The following ITPR2 variants were observed in gnomAD, a reference collection of about 807,000 sequenced individuals.
The protein encoded by ITPR2 is inositol 1,4,5-trisphosphate receptor type 2.
In ITPR2, 207 loss-of-function variants were observed where a neutral mutation model predicts 317.1. The observed-to-expected ratio is 0.65, with a 90% confidence interval of 0.58 to 0.73. ITPR2 has a LOEUF of 0.73. Ranked by LOEUF, ITPR2 falls within the 30% of genes least tolerant of loss-of-function variation. The pLI is 0.00. For missense variants in ITPR2, 2,613 were observed against 3,284.0 expected (o/e 0.80, Z 4.99); for synonymous variants, 1,156 against 1,149.1 (o/e 1.01, Z -0.12).
intron 1 of ITPR2, among the ~76,000 whole-genome samples, chr12:26,810,969 TCTGTTTTTTTAAACAAA>T (rs1950728484): frequency 6.6e-6 from 1 of 151,536 alleles, no homozygotes; most frequent in Admixed American, 6.6e-5. Flanking sequence ...CCTGGTCTGT[TCTGTTTTTTTAAACAAA>T]CAATGAAGTT....
At chr12:26,378,043 C>T (rs925295246) in intron 55 of ITPR2, among the ~76,000 whole-genome samples, 7 of 151,800 alleles carry the variant, frequency 4.6e-5, no homozygotes, top group Admixed American at 1.3e-4. Context: ...TTTTGTTCAA[C>T]GAATTTATGC....
At chr12:26,540,856 T>A (rs1944239488) in intron 37 of ITPR2, among the ~76,000 whole-genome samples, 1 of 152,156 alleles carries the variant, frequency 6.6e-6, no homozygotes, top group African/African-American at 2.4e-5. Flanking sequence ...ATACCCACTT[T>A]AATGGTTGAA....
At chr12:26,530,471 AT>A (rs1160590262) in intron 37 of ITPR2, among the ~76,000 whole-genome samples, 1 of 152,154 alleles carries the variant, frequency 6.6e-6, no homozygotes, top group Admixed American at 6.5e-5. Context: ...AATCCTGGAG[AT>A]TTTTACTTTC....
At chr12:26,675,585 T>C (rs113702923) in intron 13 of ITPR2, among the ~76,000 whole-genome samples, 22 of 152,080 alleles carry the variant, frequency 1.4e-4, no homozygotes, top group African/African-American at 4.8e-4. Context: ...TTGGGAGATA[T>C]ACCTAATGCT....
chr12:26,654,017 A>T lies in ITPR2; in HGVS notation c.2699T>A (p.Met900Lys), dbSNP rs1016165148. Reference protein sequence around the residue: ...LAILDIVQAPMSSYFERLSKF... With the variant: ...LAILDIVQAPKSSYFERLSKF... ...GCTTAATCTTTCAAAGTATGATGAC[A>T]TGGGGGCCTGTACAATGTCTAAAAT... The change falls in exon 21 of 57, where the codon ATG becomes AAG. Residue 900 changes from methionine to lysine, a missense_variant. Met to Lys is a moderately conservative substitution (Grantham distance 95). Around this residue, in one of 9 missense-constraint regions of ITPR2, gnomAD observed 817 missense variants for 897.6 expected, o/e 0.91. Coordinates refer to ENST00000381340, the MANE Select transcript of ITPR2 (RefSeq NM_002223.4). 13 of 1,609,590 alleles carry T rather than the reference A, an allele frequency of 8.1e-6. No individual in the cohort carries two copies. The highest frequency in any genetic ancestry group is 1.0e-5 in the Non-Finnish European group (12 of 1,177,252).
Position 26,387,442 on chromosome 12 carries a change from T to C in ITPR2, c.7849A>G (p.Met2617Val). ...ACCTTCTGGTCACTCACCACAATCA[T>C]TTGAGCCACATAACTTTCAGGTCCA... ...YTGPESYVAQ[M>V]IVEKNLDWFP... Residue 2617 changes from methionine to valine, a missense_variant, in exon 55 of 57, where the codon ATG (methionine) becomes GTG (valine). Physicochemically the swap from Met to Val is conservative, Grantham distance 21. Around this residue, in one of 9 missense-constraint regions of ITPR2, gnomAD observed 119 missense variants for 144.3 expected, o/e 0.82. Transcript: ENST00000381340. 1 of 1,613,596 alleles carries C rather than the reference T, an allele frequency of 6.2e-7. No homozygotes were observed. The highest frequency in any genetic ancestry group is 1.1e-5 in the South Asian group (1 of 91,036).
At chr12:26,542,659 T>C (rs1484140110) in intron 37 of ITPR2, among the ~76,000 whole-genome samples, 3 of 152,236 alleles carry the variant, frequency 2.0e-5, no homozygotes, top group Non-Finnish European at 4.4e-5. Flanking sequence ...GTACCATAGC[T>C]ATTGCAGAGG....
At position 26,561,900 on chromosome 12, in the gene ITPR2, A is replaced by G. The variant is rs769754791; in HGVS notation, c.4683T>C (p.Thr1561=). Reference sequence around the variant, plus strand: ...TATTTGAATGGCTCTTCATGAAAAGAGTATTAACTTGGCTGTCCAAATCCA... The same window carrying G: ...TATTTGAATGGCTCTTCATGAAAAGGGTATTAACTTGGCTGTCCAAATCCA... ...IPVDLDSQVN[T]LFMKSHSNMV... is the part of the protein sequence containing the mutation. The change falls in exon 35 of 57, where the codon ACT becomes ACC. Residue 1561 remains threonine (T), a synonymous_variant. Transcript: ENST00000381340. 1 of 1,573,296 alleles carries G rather than the reference A, an allele frequency of 6.4e-7. No homozygotes were observed. The highest frequency in any genetic ancestry group is 8.6e-7 in the Non-Finnish European group (1 of 1,168,190).
intron 32 of ITPR2, among the ~76,000 whole-genome samples, chr12:26,581,205 C>T (rs1275368424): frequency 5.3e-5 from 8 of 151,844 alleles, no homozygotes; most frequent in African/African-American, 1.7e-4. Context: ...AAAGCTTTCA[C>T]ACAAATTCAT....
At chr12:26,643,871 G>A (rs1005868167) in intron 21 of ITPR2, among the ~76,000 whole-genome samples, 5 of 152,128 alleles carry the variant, frequency 3.3e-5, no homozygotes, top group South Asian at 2.1e-4. Context: ...AAAAGGAAAC[G>A]GAACTTGAAT....
intron 22 of ITPR2, among the ~76,000 whole-genome samples, chr12:26,629,227 C>T (rs932604554): frequency 1.3e-5 from 2 of 152,182 alleles, no homozygotes; most frequent in Non-Finnish European, 1.5e-5. Context: ...CTCTTGCCTC[C>T]GCACAGGTGC....
intron 1 of ITPR2, among the ~76,000 whole-genome samples, chr12:26,830,597 G>C (rs1951085159): frequency 6.6e-6 from 1 of 152,104 alleles, no homozygotes. Context: ...GATCAGGGTC[G>C]ACTCCACAAC....
At chr12:26,743,816 G>A (rs779207306) in intron 2 of ITPR2, among the ~76,000 whole-genome samples, 1 of 152,168 alleles carries the variant, frequency 6.6e-6, no homozygotes, top group Admixed American at 6.5e-5. Context: ...ACTTGAACCC[G>A]GGAGGCGGAG....
At chr12:26,584,984 T>C (rs1022912951) in intron 32 of ITPR2, among the ~76,000 whole-genome samples, 7 of 152,250 alleles carry the variant, frequency 4.6e-5, no homozygotes, top group African/African-American at 9.6e-5. Flanking sequence ...ATCTCCTTTT[T>C]ATGTGAATCA....
intron 5 of ITPR2, among the ~76,000 whole-genome samples, chr12:26,717,491 T>C (rs1396767141): frequency 6.6e-6 from 1 of 152,214 alleles, no homozygotes; most frequent in Non-Finnish European, 1.5e-5. Context: ...TCCTGCTGTT[T>C]ACAGGACTGG....
chr12:26,437,763 C>T (rs548621521), intron 47 of ITPR2, among the ~76,000 whole-genome samples: 1 of 152,100 alleles, frequency 6.6e-6, no homozygotes, highest in East Asian at 1.9e-4. Flanking sequence ...AATTTATTGT[C>T]AAGGAGAAAA....
Position 26,491,761 on chromosome 12 carries a change from T to C in ITPR2, c.5370+2392A>G, listed in dbSNP as rs533732450. On this transcript the variant is annotated intron_variant, in intron 39 of 56. Coordinates refer to ENST00000381340, the MANE Select transcript of ITPR2 (RefSeq NM_002223.4). ...AGGGTGGACAAGTTAAGGTCAAGGA[T>C]GACTATCATTTTCTGGTCAGACAAC... 4.7e-4 allele frequency among the ~76,000 whole-genome samples: 72 copies of C among 152,278 alleles called. 1 individual carries two copies. The highest frequency in any genetic ancestry group is 1.3e-3 in the African/African-American group (56 of 41,550).
At chr12:26,502,006 T>C (rs1943082758) in intron 37 of ITPR2, among the ~76,000 whole-genome samples, 2 of 152,224 alleles carry the variant, frequency 1.3e-5, no homozygotes, top group Non-Finnish European at 2.9e-5. Context: ...CAATAACCAC[T>C]CTGAGTTTAT....
intron 10 of ITPR2, among the ~76,000 whole-genome samples, chr12:26,692,930 T>C (rs995219604): frequency 8.5e-5 from 13 of 152,208 alleles, no homozygotes; most frequent in Non-Finnish European, 1.8e-4. Context: ...GGGAAACTGA[T>C]TGCATATTTC....
Sources: allele counts gnomAD v4.1 joint callset (sites outside exome capture counted in the v4.1 genomes callset), GRCh38; gene constraint gnomAD v4.1.1; regional missense constraint gnomAD v4.1.1; transcripts MANE v1.5; gene names NCBI Gene and HGNC (gene_info 2026-07-23, HGNC 2026-07-21).